ANKIB1: variants seen among roughly 807,000 people sequenced by gnomAD.
ANKIB1 encodes ankyrin repeat and IBR domain containing 1, also known as ankyrin repeat and IBR domain-containing protein 1.
ANKIB1 carries 43 observed loss-of-function variants against 122.1 expected under a neutral mutation model. The ratio of observed to expected loss-of-function variants is 0.35; its 90% confidence interval spans 0.28 to 0.45. ANKIB1 has a LOEUF of 0.45. ANKIB1 is among the 20% of genes least tolerant of loss of function. The pLI is 1.00. For synonymous variants in ANKIB1, 390 were observed against 442.0 expected (o/e 0.88, Z 1.48); for missense variants, 992 against 1,329.5 (o/e 0.75, Z 3.95).
At chr7:92,252,096 T>G (rs993056902) in intron 1 of ANKIB1, among the ~76,000 whole-genome samples, 6 of 152,188 alleles carry the variant, frequency 3.9e-5, no homozygotes, top group African/African-American at 1.4e-4. Context: ...AATGCTGCTG[T>G]GTGCCCTTCT....
At chr7:92,345,146 T>G (rs1036766110) in intron 7 of ANKIB1, 80 bp downstream of exon 7, 69 of 1,019,574 alleles carry the variant, frequency 6.8e-5, no homozygotes, top group Non-Finnish European at 9.9e-5. Flanking sequence ...CTTTCAGTAT[T>G]TAATGATGCA....
chr7:92,378,393 T>G (rs2045128914), intron 11 of ANKIB1, among the ~76,000 whole-genome samples: 1 of 150,742 alleles, frequency 6.6e-6, no homozygotes, highest in South Asian at 2.1e-4. Flanking sequence ...GGTTCAGTAT[T>G]AGGAAAGTTG....
At chr7:92,359,577 G>GTA (rs1192850691) in intron 9 of ANKIB1, among the ~76,000 whole-genome samples, 1 of 152,134 alleles carries the variant, frequency 6.6e-6, no homozygotes, top group African/African-American at 2.4e-5. Context: ...AATCCTTTGG[G>GTA]TATATACCCA....
intron 5 of ANKIB1, among the ~76,000 whole-genome samples, chr7:92,339,119 G>A (rs1441360701): frequency 7.7e-6 from 1 of 129,614 alleles, no homozygotes; most frequent in Non-Finnish European, 1.6e-5. Flanking sequence ...TCTGCTCACT[G>A]CAAGCTCCAT....
chr7:92,316,866 G>A (rs368592277), intron 3 of ANKIB1, among the ~76,000 whole-genome samples: 1 of 152,084 alleles, frequency 6.6e-6, no homozygotes, highest in African/African-American at 2.4e-5. Flanking sequence ...GAAGACTAGG[G>A]CATTAAGTTA....
intron 17 of ANKIB1, among the ~76,000 whole-genome samples, chr7:92,393,516 A>G (rs1163196859): frequency 6.6e-6 from 1 of 152,098 alleles, no homozygotes; most frequent in East Asian, 1.9e-4. Flanking sequence ...AAAAAATACT[A>G]ATGATTTCCG....
chr7:92,304,082 A>AC (rs1009883252), intron 2 of ANKIB1, among the ~76,000 whole-genome samples: 3 of 151,872 alleles, frequency 2.0e-5, no homozygotes, highest in Non-Finnish European at 2.9e-5. Context: ...AAAAAAAAAA[A>AC]CCCATAACTA....
chr7:92,338,772 CGTG>C (rs1396740439), intron 5 of ANKIB1, among the ~76,000 whole-genome samples: 1 of 148,920 alleles, frequency 6.7e-6, no homozygotes, highest in Non-Finnish European at 1.5e-5. Context: ...ATTAGCTGGG[CGTG>C]GTGGTGGGCG....
At chr7:92,307,797 A>G (rs976361160) in intron 3 of ANKIB1, 141 bp downstream of exon 3, 2 of 547,556 alleles carry the variant, frequency 3.7e-6, no homozygotes, top group Admixed American at 4.1e-5. Context: ...ACCCTTTTAA[A>G]TAAAGGGCCT....
chr7:92,390,888 A>T (rs149182534), intron 15 of ANKIB1, among the ~76,000 whole-genome samples: 2 of 152,258 alleles, frequency 1.3e-5, no homozygotes, highest in Admixed American at 1.3e-4. Context: ...TATACTCACT[A>T]CTTCTTTGTA....
intron 4 of ANKIB1, chr7:92,319,796 A>G (rs1802866378): frequency 3.2e-6 from 1 of 307,746 alleles, no homozygotes; most frequent in Admixed American, 5.2e-5. Context: ...TTTGCCAGGA[A>G]TGGTGGCCCA....
intron 11 of ANKIB1, among the ~76,000 whole-genome samples, chr7:92,384,432 A>G (rs185771226): frequency 6.4e-4 from 98 of 152,344 alleles, no homozygotes; most frequent in African/African-American, 2.2e-3. Context: ...TGCCAAGACA[A>G]TCCTAAGCAA....
intron 18 of ANKIB1, 125 bp from the exon 19 acceptor site, chr7:92,397,598 T>A: frequency 1.0e-6 from 1 of 975,646 alleles, no homozygotes; most frequent in East Asian, 2.5e-5. Context: ...TAAGTGAACA[T>A]GTCAACACAG....
At chr7:92,370,383 C>T (rs1804211346) in intron 10 of ANKIB1, among the ~76,000 whole-genome samples, 1 of 151,312 alleles carries the variant, frequency 6.6e-6, no homozygotes, top group Non-Finnish European at 1.5e-5. Context: ...TGGCAGGCGC[C>T]TATAGTCCCA....
At chr7:92,270,728 G>GTTTTTTTT (rs397889266) in intron 1 of ANKIB1, among the ~76,000 whole-genome samples, 6 of 81,982 alleles carry the variant, frequency 7.3e-5, no homozygotes, top group East Asian at 3.7e-4. Context: ...CATCGCTATA[G>GTTTTTTTT]TTTTTTTTTT....
intron 15 of ANKIB1, 28 bp from the exon 16 acceptor site, chr7:92,391,138 A>ATTTT: frequency 1.7e-6 from 2 of 1,168,978 alleles, no homozygotes; most frequent in South Asian, 1.5e-5. Context: ...GAAGCCTGTG[A>ATTTT]TTTTTTTTTT....
At chr7:92,361,034 C>T (rs2115598924) in intron 9 of ANKIB1, among the ~76,000 whole-genome samples, 1 of 152,158 alleles carries the variant, frequency 6.6e-6, no homozygotes, top group Admixed American at 6.5e-5. Context: ...CCTGCCCAAG[C>T]CTAACCTTTG....
At chr7:92,392,360 TTA>T in intron 17 of ANKIB1, 68 bp downstream of exon 17, 1 of 1,353,366 alleles carries the variant, frequency 7.4e-7, no homozygotes, top group Non-Finnish European at 1.0e-6. Context: ...ATTTGCATCC[TTA>T]TCTATTCTAA....
rs1413296527 is a variant in ANKIB1 at position 92,295,068 on chromosome 7, A to G, written c.90A>G (p.Leu30=). 6.3e-7 allele frequency: 1 copy of G among 1,597,996 alleles called. No individual in the cohort carries two copies. The highest frequency in any genetic ancestry group is 1.7e-5 in the Admixed American group (1 of 57,634). Residue 30 remains leucine (L), a synonymous_variant, in exon 2 of 20, where the codon CTA becomes CTG. Coordinates refer to ENST00000265742, the MANE Select transcript of ANKIB1 (RefSeq NM_019004.2). ...AAATATATGAAAACAATCCTCAGCT[A>G]AAAGAATCTCTTGATCCAAATACAT... ...ACQIYENNPQ[L]KESLDPNTSY...
Sources: allele counts gnomAD v4.1 joint callset (sites outside exome capture counted in the v4.1 genomes callset), GRCh38; gene constraint gnomAD v4.1.1; transcripts MANE v1.5; gene names NCBI Gene and HGNC (gene_info 2026-07-23, HGNC 2026-07-21).